KHDRBS2: variants seen among roughly 807,000 people sequenced by gnomAD.
The protein encoded by KHDRBS2 is KH domain-containing, RNA-binding, signal transduction-associated protein 2.
In KHDRBS2, 26 loss-of-function variants were observed where a neutral mutation model predicts 44.3. The ratio of observed to expected loss-of-function variants is 0.59; its 90% CI spans 0.43 to 0.81. The LOEUF is 0.81. Ranked by LOEUF, KHDRBS2 falls within the 40% of genes least tolerant of loss-of-function variation. The pLI, the probability that KHDRBS2 is intolerant of heterozygous loss-of-function variation, is 0.00. For synonymous variants in KHDRBS2, 194 were observed against 151.1 expected (o/e 1.28, Z -2.08); for missense variants, 476 against 433.1 (o/e 1.10, Z -0.88).
chr6:61,867,393 T>A (rs1039490979), intron 6 of KHDRBS2, among the ~76,000 whole-genome samples: 1 of 152,082 alleles, frequency 6.6e-6, no homozygotes, highest in Non-Finnish European at 1.5e-5. Context: ...TTCCACAACA[T>A]GTGGGAATTC....
At chr6:61,846,415 C>T (rs1168827112) in intron 6 of KHDRBS2, among the ~76,000 whole-genome samples, 1 of 152,062 alleles carries the variant, frequency 6.6e-6, no homozygotes, top group Non-Finnish European at 1.5e-5. Flanking sequence ...GTCACATAGA[C>T]GTGTTTCATT....
intron 3 of KHDRBS2, among the ~76,000 whole-genome samples, chr6:62,001,951 G>A (rs993118992): frequency 2.0e-5 from 3 of 152,074 alleles, no homozygotes; most frequent in Non-Finnish European, 4.4e-5. Flanking sequence ...AGAAGCAAGT[G>A]AACTTGCAAA....
chr6:61,762,710 A>G (rs1222213005), intron 6 of KHDRBS2, among the ~76,000 whole-genome samples: 1 of 152,220 alleles, frequency 6.6e-6, no homozygotes, highest in Admixed American at 6.5e-5. Flanking sequence ...AACCTTAGCA[A>G]CACAAATGAG....
chr6:61,741,087 A>C (rs552698866), intron 6 of KHDRBS2, among the ~76,000 whole-genome samples: 21 of 151,916 alleles, frequency 1.4e-4, no homozygotes, highest in African/African-American at 5.1e-4. Flanking sequence ...CCTTGAATTT[A>C]CCCAAAAGAT....
At chr6:61,681,205 C>A (rs944467432) in intron 8 of KHDRBS2, 145 bp from the exon 9 acceptor site, 12 of 612,456 alleles carry the variant, frequency 2.0e-5, no homozygotes, top group African/African-American at 1.7e-4. Flanking sequence ...CATCGTGAGA[C>A]CATCAAAAAA....
intron 2 of KHDRBS2, among the ~76,000 whole-genome samples, chr6:62,145,695 A>G (rs1813785562): frequency 6.6e-6 from 1 of 151,894 alleles, no homozygotes; most frequent in Admixed American, 6.6e-5. Flanking sequence ...GCTTAATCAA[A>G]CTTTTCATTG....
intron 5 of KHDRBS2, 89 bp downstream of exon 5, chr6:61,901,155 T>C (rs772417938): frequency 1.2e-4 from 148 of 1,244,078 alleles, no homozygotes; most frequent in Non-Finnish European, 1.6e-4. Flanking sequence ...CTGATGTTGT[T>C]GTTTACTGCT....
chr6:62,033,425 C>A (rs1276141209), intron 3 of KHDRBS2, among the ~76,000 whole-genome samples: 2 of 151,624 alleles, frequency 1.3e-5, no homozygotes, highest in East Asian at 3.9e-4. Flanking sequence ...TAATTAAACT[C>A]CCAAAGATCA....
intron 6 of KHDRBS2, among the ~76,000 whole-genome samples, chr6:61,749,330 A>G (rs1253440524): frequency 6.6e-6 from 1 of 152,120 alleles, no homozygotes; most frequent in African/African-American, 2.4e-5. Context: ...TTAAGTAGGT[A>G]CAAGTGGCTA....
intron 5 of KHDRBS2, 118 bp downstream of exon 5, chr6:61,901,126 G>A: frequency 1.1e-6 from 1 of 914,818 alleles, no homozygotes; most frequent in Non-Finnish European, 1.7e-6. Context: ...TGTTTTTGCT[G>A]TGGTGGTAGT....
the KHDRBS2 span, among the ~76,000 whole-genome samples, chr6:61,579,883 C>T: frequency 9.0e-6 from 1 of 110,568 alleles, no homozygotes; most frequent in Non-Finnish European, 1.9e-5. Context: ...CATGGAGAAA[C>T]CCCGTCTCTA....
At chr6:61,820,384 A>G (rs936958136) in intron 6 of KHDRBS2, among the ~76,000 whole-genome samples, 5 of 152,002 alleles carry the variant, frequency 3.3e-5, no homozygotes, top group African/African-American at 9.7e-5. Context: ...AGAGAAACAT[A>G]GAATGAAATA....
At chr6:61,562,583 G>T in the KHDRBS2 span, among the ~76,000 whole-genome samples, 2 of 151,982 alleles carry the variant, frequency 1.3e-5, no homozygotes, top group African/African-American at 4.8e-5. Flanking sequence ...AACCAGATAG[G>T]CCTTTTGTCA....
chr6:62,118,513 C>T (rs530014024), intron 2 of KHDRBS2, among the ~76,000 whole-genome samples: 27 of 152,090 alleles, frequency 1.8e-4, no homozygotes, highest in African/African-American at 6.0e-4. Context: ...TCTTTATTTT[C>T]AATGTTTCTT....
chr6:61,875,461 C>T (rs755401821), intron 6 of KHDRBS2, among the ~76,000 whole-genome samples: 7 of 152,138 alleles, frequency 4.6e-5, no homozygotes, highest in Non-Finnish European at 8.8e-5. Context: ...TTACTCAGAC[C>T]CTACTCTTGC....
At chr6:61,560,226 C>T in the KHDRBS2 span, among the ~76,000 whole-genome samples, 24 of 152,176 alleles carry the variant, frequency 1.6e-4, no homozygotes, top group East Asian at 3.7e-3. Context: ...GTTAAAAAAT[C>T]AACGATCCTT....
chr6:61,901,597 T>C (rs1017559390), intron 4 of KHDRBS2, among the ~76,000 whole-genome samples: 8 of 152,220 alleles, frequency 5.3e-5, no homozygotes, highest in Non-Finnish European at 8.8e-5. Context: ...AAGAAAGTAC[T>C]CAGCAGGACA....
chr6:61,655,061 C>G, the KHDRBS2 span, among the ~76,000 whole-genome samples: 1 of 151,622 alleles, frequency 6.6e-6, no homozygotes, highest in Non-Finnish European at 1.5e-5. Flanking sequence ...GCTAACTGAG[C>G]CAGAGAAAGG....
At chr6:61,806,132 C>T (rs964974352) in intron 6 of KHDRBS2, among the ~76,000 whole-genome samples, 2 of 152,164 alleles carry the variant, frequency 1.3e-5, no homozygotes, top group African/African-American at 2.4e-5. Flanking sequence ...CACATTTCCT[C>T]AAGAAGTGTG....
Sources: allele counts gnomAD v4.1 joint callset (sites outside exome capture counted in the v4.1 genomes callset), GRCh38; gene constraint gnomAD v4.1.1; transcripts MANE v1.5; gene names NCBI Gene and HGNC (gene_info 2026-07-23, HGNC 2026-07-21).